ELMOD3: variants seen among roughly 807,000 people sequenced by gnomAD.
ELMOD3 encodes ELMO domain-containing protein 3.
ELMOD3 carries 36 observed loss-of-function variants against 47.4 expected under a neutral mutation model. The ratio of observed to expected loss-of-function variants is 0.76; its 90% CI spans 0.58 to 1.00. The LOEUF is 1.00. Ranked by LOEUF, ELMOD3 falls within the 50% of genes least tolerant of loss-of-function variation. The pLI is 0.00. For missense variants in ELMOD3, 404 were observed against 463.8 expected (o/e 0.87, Z 1.18); for synonymous variants, 149 against 183.5 (o/e 0.81, Z 1.52).
intron 11 of ELMOD3, among the ~76,000 whole-genome samples, chr2:85,382,411 C>T (rs1405652619): frequency 6.7e-6 from 1 of 149,930 alleles, no homozygotes; most frequent in Non-Finnish European, 1.5e-5. Flanking sequence ...GCACTCCAGC[C>T]TGGGCAACAG....
At chr2:85,390,070 G>C in intron 12 of ELMOD3, 68 bp from the exon 13 acceptor site, 3 of 1,478,716 alleles carry the variant, frequency 2.0e-6, no homozygotes, top group Non-Finnish European at 2.8e-6. Context: ...GGGGAAGGAA[G>C]GCGGGAGGGA....
At chr2:85,390,559 A>G (rs1479634668) in intron 13 of ELMOD3, 2 of 1,560,990 alleles carry the variant, frequency 1.3e-6, no homozygotes, top group African/African-American at 2.7e-5. Flanking sequence ...TGTGCAGACA[A>G]GGTAGAGTGT....
chr2:85,381,408 A>G (rs754189367), intron 11 of ELMOD3, among the ~76,000 whole-genome samples: 2 of 152,394 alleles, frequency 1.3e-5, no homozygotes, highest in South Asian at 2.1e-4. Flanking sequence ...AATAAGCCCT[A>G]ATAAAAACAG....
At chr2:85,370,945 C>T (rs1399720921) in intron 8 of ELMOD3, 141 bp from the exon 9 acceptor site, 20 of 961,038 alleles carry the variant, frequency 2.1e-5, no homozygotes, top group African/African-American at 8.2e-5. Context: ...CAGCTTCTGC[C>T]TCCTTCCCTT....
intron 10 of ELMOD3, among the ~76,000 whole-genome samples, chr2:85,374,423 C>A (rs995522542): frequency 6.6e-6 from 1 of 152,164 alleles, no homozygotes; most frequent in Non-Finnish European, 1.5e-5. Context: ...CTCGCTGCAA[C>A]CTCCACCTCC....
chr2:85,380,353 T>C (rs11675482), intron 11 of ELMOD3, among the ~76,000 whole-genome samples: 11,541 of 152,178 alleles, frequency 0.076, 576 homozygotes, highest in African/African-American at 0.13. Flanking sequence ...AAGCAAAAGG[T>C]CAAAAAAATT....
intron 11 of ELMOD3, among the ~76,000 whole-genome samples, chr2:85,380,425 A>G (rs996364620): frequency 1.2e-4 from 19 of 152,232 alleles, no homozygotes; most frequent in African/African-American, 4.6e-4. Context: ...TTAGCTCTCC[A>G]TGAGTCTGAA....
chr2:85,368,472 C>T (rs1051533311), intron 6 of ELMOD3: 2 of 535,998 alleles, frequency 3.7e-6, no homozygotes, highest in Non-Finnish European at 6.7e-6. Context: ...AAAACTGGCC[C>T]AGGTCAGAAA....
At chr2:85,358,027 C>G (rs565313928) in intron 4 of ELMOD3, among the ~76,000 whole-genome samples, 44 of 152,260 alleles carry the variant, frequency 2.9e-4, no homozygotes, top group African/African-American at 1.1e-3. Flanking sequence ...CGCCTGTAAT[C>G]CCAACACTTT....
At position 85,368,695 on chromosome 2, in the gene ELMOD3, C is replaced by G. The variant is rs955592; in HGVS notation, c.209C>G (p.Thr70Arg). ...TCTCCTACTATTGCAGTTGTGAGTACAGAGGTGGTCAGAGCCCAAGAAGAA... is the reference window on the plus strand; with the variant it reads ...TCTCCTACTATTGCAGTTGTGAGTAGAGAGGTGGTCAGAGCCCAAGAAGAA... Reference protein sequence around the residue: ...AYEWEPRVVSTEVVRAQEEWE... With the variant: ...AYEWEPRVVSREVVRAQEEWE... The change falls in exon 7 of 14, where the codon ACA (threonine) becomes AGA (arginine). Residue 70 changes from threonine to arginine, a missense_variant. Coordinates refer to ENST00000409013, the MANE Select transcript of ELMOD3 (RefSeq NM_001135022.2). 1 of 1,613,940 alleles carries G rather than the reference C, an allele frequency of 6.2e-7. No homozygotes were observed. Among genetic ancestry groups the G allele is most frequent in the Non-Finnish European group, 8.5e-7 (1 of 1,179,952 alleles).
At chr2:85,366,171 A>G (rs979900287) in intron 6 of ELMOD3, among the ~76,000 whole-genome samples, 16 of 142,492 alleles carry the variant, frequency 1.1e-4, no homozygotes, top group Non-Finnish European at 2.3e-4. Flanking sequence ...GGGTTTCACC[A>G]TGTTGGCCAG....
At chr2:85,358,034 C>G (rs1417944295) in intron 4 of ELMOD3, among the ~76,000 whole-genome samples, 1 of 152,124 alleles carries the variant, frequency 6.6e-6, no homozygotes, top group East Asian at 1.9e-4. Context: ...AATCCCAACA[C>G]TTTGGGAGGC....
intron 10 of ELMOD3, among the ~76,000 whole-genome samples, chr2:85,373,619 T>A (rs1002712084): frequency 6.6e-6 from 1 of 151,536 alleles, no homozygotes; most frequent in Non-Finnish European, 1.5e-5. Context: ...GGCGGGAGGA[T>A]CACGAGGTCA....
intron 4 of ELMOD3, among the ~76,000 whole-genome samples, chr2:85,361,426 T>A (rs939873608): frequency 6.6e-6 from 1 of 152,226 alleles, no homozygotes; most frequent in African/African-American, 2.4e-5. Flanking sequence ...ATGGTTGGTA[T>A]CTCCAGAGTT....
intron 10 of ELMOD3, among the ~76,000 whole-genome samples, chr2:85,374,437 G>A (rs1685026945): frequency 6.6e-6 from 1 of 152,148 alleles, no homozygotes; most frequent in Non-Finnish European, 1.5e-5. Context: ...CACCTCCTGG[G>A]TTCAAGCAAT....
At chr2:85,383,003 G>T (rs1186214942) in intron 11 of ELMOD3, among the ~76,000 whole-genome samples, 1 of 131,816 alleles carries the variant, frequency 7.6e-6, no homozygotes. Context: ...ACTCCATAAA[G>T]AAATTACCTG....
At chr2:85,383,186 T>C (rs985217251) in intron 11 of ELMOD3, among the ~76,000 whole-genome samples, 2 of 151,730 alleles carry the variant, frequency 1.3e-5, no homozygotes, top group African/African-American at 2.4e-5. Context: ...TGGAGTGCAG[T>C]GGCGTAATCT....
chr2:85,384,437 A>C (rs1318047008), intron 11 of ELMOD3, among the ~76,000 whole-genome samples: 2 of 152,182 alleles, frequency 1.3e-5, no homozygotes, highest in Non-Finnish European at 1.5e-5. Context: ...CACGGGCCCA[A>C]GAGGAGGAGA....
intron 4 of ELMOD3, among the ~76,000 whole-genome samples, chr2:85,361,701 G>A (rs986461841): frequency 5.3e-5 from 8 of 152,062 alleles, no homozygotes; most frequent in Non-Finnish European, 1.2e-4. Flanking sequence ...AGGCCGAGGC[G>A]GGTGGATCAT....
Sources: gnomAD v4.1 joint callset for allele counts (sites outside exome capture counted in the v4.1 genomes callset) on GRCh38, gnomAD v4.1.1 for gene constraint, MANE v1.5 for transcripts, NCBI Gene and HGNC (gene_info 2026-07-23, HGNC 2026-07-21) for gene names.